Variants in GKAP1 observed in about 807,000 individuals in gnomAD.
GKAP1 encodes the protein G kinase-anchoring protein 1.
In GKAP1, 31 loss-of-function variants were observed where a neutral mutation model predicts 56.7. That is an observed-to-expected ratio of 0.55 (90% CI 0.41 to 0.74). GKAP1 has a LOEUF of 0.74. Ranked by LOEUF, GKAP1 falls within the 30% of genes least tolerant of loss-of-function variation. The pLI is 0.00. For missense variants in GKAP1, 364 were observed against 402.3 expected (o/e 0.90, Z 0.82); for synonymous variants, 151 against 138.6 (o/e 1.09, Z -0.63).
At chr9:83,808,062 C>T (rs552125154) in intron 2 of GKAP1, among the ~76,000 whole-genome samples, 114 of 152,276 alleles carry the variant, frequency 7.5e-4, no homozygotes, top group Middle Eastern at 3.4e-3. Flanking sequence ...CATTTTATTA[C>T]AGTATCATGT....
chr9:83,797,352 T>C (rs980638828), intron 4 of GKAP1, among the ~76,000 whole-genome samples: 3 of 152,220 alleles, frequency 2.0e-5, no homozygotes, highest in South Asian at 2.1e-4. Flanking sequence ...CTACATTGTA[T>C]GCTTTCTGCC....
intron 2 of GKAP1, among the ~76,000 whole-genome samples, chr9:83,816,476 G>C (rs900605492): frequency 6.6e-6 from 1 of 152,180 alleles, no homozygotes; most frequent in African/African-American, 2.4e-5. Flanking sequence ...GTCAACTTCT[G>C]GGTTTTGCTC....
At chr9:83,752,980 T>A (rs114843054) in intron 9 of GKAP1, among the ~76,000 whole-genome samples, 1 of 151,734 alleles carries the variant, frequency 6.6e-6, no homozygotes, top group African/African-American at 2.4e-5. Flanking sequence ...GGAGAATCGC[T>A]TGAACCCAGG....
intron 2 of GKAP1, among the ~76,000 whole-genome samples, chr9:83,812,246 T>C (rs912288538): frequency 6.7e-6 from 1 of 148,714 alleles, no homozygotes; most frequent in African/African-American, 2.5e-5. Flanking sequence ...CATATATACG[T>C]ATATATGTAT....
intron 7 of GKAP1, among the ~76,000 whole-genome samples, chr9:83,770,992 T>A (rs10116542): frequency 0.54 from 81,951 of 152,102 alleles, 22,978 homozygotes; most frequent in Admixed American, 0.69. Flanking sequence ...AAGGAGCATT[T>A]CCTCTTCAAC....
chr9:83,775,378 T>C (rs1055918466), intron 7 of GKAP1, among the ~76,000 whole-genome samples: 1 of 152,078 alleles, frequency 6.6e-6, no homozygotes, highest in African/African-American at 2.4e-5. Context: ...CTGGTTCCTT[T>C]TACTGGAGAA....
intron 7 of GKAP1, among the ~76,000 whole-genome samples, chr9:83,778,779 A>G (rs944279674): frequency 4.6e-5 from 7 of 152,194 alleles, no homozygotes; most frequent in African/African-American, 1.4e-4. Flanking sequence ...TAAGGGAAAT[A>G]AATCATAATT....
chr9:83,803,944 G>A (rs1262914316), intron 3 of GKAP1, among the ~76,000 whole-genome samples: 2 of 105,966 alleles, frequency 1.9e-5, no homozygotes, highest in African/African-American at 7.5e-5. Flanking sequence ...GCCCGGCCGC[G>A]ACCCCGTCTG....
chr9:83,799,873 G>C (rs549081319), intron 3 of GKAP1, among the ~76,000 whole-genome samples: 1 of 152,332 alleles, frequency 6.6e-6, no homozygotes, highest in East Asian at 1.9e-4. Flanking sequence ...GCTGAGGTGG[G>C]AGGATCACCT....
At chr9:83,793,008 T>C (rs1160707134) in intron 4 of GKAP1, 8 of 1,278,718 alleles carry the variant, frequency 6.3e-6, no homozygotes, top group Non-Finnish European at 8.1e-6. Flanking sequence ...CATTGCCTCC[T>C]ACTCCCCATC....
intron 4 of GKAP1, chr9:83,793,034 T>G: frequency 7.9e-7 from 1 of 1,261,788 alleles, no homozygotes; most frequent in Non-Finnish European, 1.0e-6. Context: ...GTAAAACATT[T>G]TTTCTTCTAT....
intron 7 of GKAP1, among the ~76,000 whole-genome samples, chr9:83,774,507 T>C (rs137868986): frequency 3.5e-4 from 53 of 151,296 alleles, no homozygotes; most frequent in Non-Finnish European, 6.3e-4. Context: ...GGTGGGAGGA[T>C]TGCTTGAGCC....
chr9:83,813,992 T>C (rs1437884592), intron 2 of GKAP1, among the ~76,000 whole-genome samples: 1 of 152,012 alleles, frequency 6.6e-6, no homozygotes, highest in Admixed American at 6.6e-5. Flanking sequence ...CCCAGCTACT[T>C]GGGAGGCTAA....
In GKAP1 at chr9:83,780,483, C is replaced by T. The variant is rs75303439; in HGVS notation, c.563-79G>A. ...AAAAATGTAAAAAAAAAAAAAAAAA[C>T]GAAACTGAAAGAATTTCAAAATTAT... On this transcript the variant is annotated intron_variant, in intron 6 of 12. Coordinates refer to ENST00000376371, the MANE Select transcript of GKAP1 (RefSeq NM_025211.4). 3,082 of 448,162 alleles carry T rather than the reference C, an allele frequency of 6.9e-3. 118 individuals carry two copies. In the African/African-American group the frequency reaches 0.071, roughly 10 times the overall value. The allele number at this position is 448,162 out of a possible 1,614,324, so 27.8% of individuals were successfully genotyped here.
At position 83,806,498 on chromosome 9, in the gene GKAP1, C is replaced by T; in HGVS notation, c.20G>A (p.Ser7Asn). The change falls in exon 3 of 13, where the codon AGT (serine) becomes AAT (asparagine). Residue 7 changes from serine to asparagine, a missense_variant. Physicochemically the swap from Ser to Asn is conservative, Grantham distance 46. Coordinates refer to ENST00000376371, the MANE Select transcript of GKAP1 (RefSeq NM_025211.4). ...ACGAGAAGCGGTGGTGGGAACAGAA[C>T]TAAGTACTGCTGAGGCCATCGTAAA... MASAVL[S>N]SVPTTASRFA... 1.9e-6 allele frequency: 3 copies of T among 1,613,988 alleles called. No individual in the cohort carries two copies. Among genetic ancestry groups the T allele is most frequent in the Admixed American group, 1.7e-5 (1 of 59,998 alleles).
At position 83,787,729 on chromosome 9, in the gene GKAP1, G is replaced by A. The variant is rs11140251; in HGVS notation, c.438+872C>T. On this transcript the variant is annotated intron_variant, in intron 5 of 12. Coordinates refer to ENST00000376371, the MANE Select transcript of GKAP1 (RefSeq NM_025211.4). ...ATGAATACTCACACAATTTAAATACGGAAACTGGAAACCAACACTTCTTTT... is the reference window on the plus strand; with the variant it reads ...ATGAATACTCACACAATTTAAATACAGAAACTGGAAACCAACACTTCTTTT... Among the ~76,000 whole-genome samples, 3,306 of 152,014 alleles carry A rather than the reference G, an allele frequency of 0.022. 213 individuals carry two copies. In the East Asian group the frequency reaches 0.23, roughly 11 times the overall value.
intron 7 of GKAP1, among the ~76,000 whole-genome samples, chr9:83,771,857 C>T (rs915032626): frequency 1.3e-5 from 2 of 152,170 alleles, no homozygotes; most frequent in African/African-American, 4.8e-5. Flanking sequence ...GATTTCATAT[C>T]ACTAGAGATT....
At chr9:83,806,248 C>G (rs1348924300) in intron 3 of GKAP1, 54 bp downstream of exon 3, 1 of 1,179,094 alleles carries the variant, frequency 8.5e-7, no homozygotes, top group Non-Finnish European at 1.2e-6. Flanking sequence ...AGTATCTGTT[C>G]TCAGGATGAT....
intron 10 of GKAP1, among the ~76,000 whole-genome samples, chr9:83,744,403 G>T (rs1179243534): frequency 6.6e-6 from 1 of 152,118 alleles, no homozygotes; most frequent in Non-Finnish European, 1.5e-5. Context: ...CTGTGTGTTA[G>T]GAAACACACC....
Sources: gnomAD v4.1 joint callset for allele counts (sites outside exome capture counted in the v4.1 genomes callset) on GRCh38, gnomAD v4.1.1 for gene constraint, MANE v1.5 for transcripts, NCBI Gene and HGNC (gene_info 2026-07-23, HGNC 2026-07-21) for gene names.